CA12: variants seen among roughly 807,000 people sequenced by gnomAD.
The protein encoded by CA12 is carbonate dehydratase XII.
CA12 carries 36 observed loss-of-function variants against 46.8 expected under a neutral mutation model. The observed-to-expected ratio is 0.77, with a 90% CI of 0.59 to 1.02. The LOEUF is 1.02. CA12 is among the 50% of genes least tolerant of loss of function. CA12 has a pLI of 0.00. For missense variants in CA12, 436 were observed against 451.4 expected, an observed-to-expected ratio of 0.97 and a Z score of 0.31; for synonymous variants, 202 against 187.0, an observed-to-expected ratio of 1.08 and a Z score of -0.65.
chr15:63,361,911 A>G (rs2039368663), intron 2 of CA12, among the ~76,000 whole-genome samples: 1 of 152,160 alleles, frequency 6.6e-6, no homozygotes, highest in Admixed American at 6.5e-5. Context: ...ACCTCATTCA[A>G]ATTTTGTTAA....
rs1335731063 is a variant in CA12 at position 63,366,392 on chromosome 15, T to C, written c.106+9266A>G. Among the ~76,000 whole-genome samples, 5 of 152,160 alleles carry C rather than the reference T, an allele frequency of 3.3e-5. No homozygotes were observed. In the East Asian group the frequency reaches 9.6e-4, roughly 29 times the overall value. ...TGTCCTTCAGGTCTCATCTTGGACATCACCTCCCCCAGGAAGCCTTCTTTA... is the reference window on the plus strand; with the variant it reads ...TGTCCTTCAGGTCTCATCTTGGACACCACCTCCCCCAGGAAGCCTTCTTTA... On this transcript the variant is annotated intron_variant, in intron 2 of 10. Coordinates refer to ENST00000178638, the MANE Select transcript of CA12 (RefSeq NM_001218.5).
intron 8 of CA12, among the ~76,000 whole-genome samples, chr15:63,335,677 G>C (rs577570412): frequency 6.6e-6 from 1 of 151,528 alleles, no homozygotes; most frequent in East Asian, 1.9e-4. Flanking sequence ...AGAATTTTCT[G>C]ACTCTGTAGT....
rs1040115125 is a variant in CA12 at position 63,377,947 on chromosome 15, G to A, written c.86-2269C>T. Among the ~76,000 whole-genome samples, 5 of 152,304 alleles carry A rather than the reference G, an allele frequency of 3.3e-5. No homozygotes were observed. In the South Asian group the frequency reaches 1.0e-3, roughly 32 times the overall value. On this transcript the variant is annotated intron_variant, in intron 1 of 10. Transcript: ENST00000178638. ...ACCAATATCATATTCCCACTGGAAG[G>A]AGTCCCACCGCATTTACCATTAATT...
chr15:63,327,667 T>C lies in CA12; in HGVS notation c.907+431A>G, dbSNP rs969055184. ...GCTACACAAATAAGAACTTACTCTG[T>C]CTTTGCCTGCTGGATTTAAGGCCCA... On this transcript the variant is annotated intron_variant, in intron 9 of 10. Transcript: ENST00000178638. This position sits in a 1 kb window ranked among gnomAD's most constrained non-coding sequence, Gnocchi z 4.5. Among the ~76,000 whole-genome samples the C allele has an allele frequency of 2.6e-5, 4 of 152,156 alleles. No individual in the cohort carries two copies. The highest frequency in any genetic ancestry group is 5.9e-5 in the Non-Finnish European group (4 of 68,034).
chr15:63,380,168 C>T (rs1203859519), intron 1 of CA12, among the ~76,000 whole-genome samples: 3 of 152,164 alleles, frequency 2.0e-5, no homozygotes, highest in East Asian at 1.9e-4. Flanking sequence ...CAGGGGTAGG[C>T]AGTCTCCTTC....
Position 63,346,541 on chromosome 15 carries a change from T to A in CA12, c.275A>T (p.Asn92Ile), listed in dbSNP as rs568160600. Residue 92 changes from asparagine to isoleucine, a missense_variant, in exon 3 of 11, where the codon AAT (asparagine) becomes ATT (isoleucine). Transcript: ENST00000178638. ...GGCCTCTCCCTCACCTGAATGGCCA[T>A]TGTTGGTCAGGAGAAACTGCTTGTT... ...SANKQFLLTN[N>I]GHSVKLNLPS... The A allele has an allele frequency of 1.2e-6, 2 of 1,613,888 alleles. No individual in the cohort carries two copies. Among genetic ancestry groups the A allele is most frequent in the Non-Finnish European group, 1.7e-6 (2 of 1,179,920 alleles).
intron 2 of CA12, among the ~76,000 whole-genome samples, chr15:63,354,482 C>G (rs919637905): frequency 7.9e-5 from 12 of 152,128 alleles, no homozygotes; most frequent in African/African-American, 2.7e-4. Context: ...CCCAAATCTC[C>G]CCTTGGGGAG....
chr15:63,381,033 GTGT>G (rs1475707557), intron 1 of CA12, among the ~76,000 whole-genome samples: 4 of 151,372 alleles, frequency 2.6e-5, no homozygotes, highest in African/African-American at 9.7e-5. Context: ...GTGTGTGTGT[GTGT>G]GTGGTTTGTG....
intron 1 of CA12, among the ~76,000 whole-genome samples, chr15:63,381,369 A>G (rs1206010578): frequency 6.6e-6 from 1 of 152,186 alleles, no homozygotes; most frequent in African/African-American, 2.4e-5. Flanking sequence ...CAAGTTCCCA[A>G]GCCACATCTT....
In CA12 at chr15:63,328,187, G is replaced by A; in HGVS notation, c.875-57C>T. 6 of 1,510,998 alleles carry A rather than the reference G, an allele frequency of 4.0e-6. No individual in the cohort carries two copies. The highest frequency in any genetic ancestry group is 5.5e-6 in the Non-Finnish European group (6 of 1,086,512). 93.6% of individuals were successfully genotyped at this position (1,510,998 alleles called of 1,614,324 possible). A position where few individuals can be genotyped will look rare whatever the true frequency, so the allele number is the denominator to read the frequency against. On this transcript the variant is annotated intron_variant, in intron 8 of 10. Transcript: ENST00000178638. The surrounding 1 kb of genome is among the most constrained non-coding windows in gnomAD (Gnocchi z 5.9). ...TCTAGAGTCAAACCACACTGGATTT[G>A]AGCAGCGTGTTGAGAGACGCTCTAC...
At chr15:63,370,571 G>A (rs1459472102) in intron 2 of CA12, among the ~76,000 whole-genome samples, 4 of 151,868 alleles carry the variant, frequency 2.6e-5, no homozygotes, top group African/African-American at 9.7e-5. Flanking sequence ...TCAGGAGTTC[G>A]AGACCAGCCT....
chr15:63,353,096 G>A (rs747452411), intron 2 of CA12, among the ~76,000 whole-genome samples: 4 of 152,016 alleles, frequency 2.6e-5, no homozygotes, highest in African/African-American at 4.8e-5. Flanking sequence ...CTGACCTTGC[G>A]GCACTCACAG....
intron 2 of CA12, among the ~76,000 whole-genome samples, chr15:63,358,762 C>G (rs972912820): frequency 6.6e-6 from 1 of 152,150 alleles, no homozygotes; most frequent in Non-Finnish European, 1.5e-5. Flanking sequence ...CCTGATTACT[C>G]TTGTCTCCTC....
chr15:63,329,309 T>C lies in CA12; in HGVS notation c.875-1179A>G, dbSNP rs2038906741. ...GATAAATAAGGTGAGAGAGAAGTCCTCAGTGTGGCTGAACCCGTGCCCAGC... is the reference window on the plus strand; with the variant it reads ...GATAAATAAGGTGAGAGAGAAGTCCCCAGTGTGGCTGAACCCGTGCCCAGC... On this transcript the variant is annotated intron_variant, in intron 8 of 10. Transcript: ENST00000178638. This position sits in a 1 kb window ranked among gnomAD's most constrained non-coding sequence, Gnocchi z 4.8. 6.6e-6 allele frequency among the ~76,000 whole-genome samples: 1 copy of C among 152,188 alleles called. No individual in the cohort carries two copies. Among genetic ancestry groups the C allele is most frequent in the African/African-American group, 2.4e-5 (1 of 41,454 alleles).
intron 1 of CA12, among the ~76,000 whole-genome samples, chr15:63,376,600 T>TTCTTTCTTTCTTTCTTTCTTTCTC (rs10623502): frequency 1.8e-3 from 239 of 134,184 alleles, no homozygotes; most frequent in Middle Eastern, 7.2e-3. Flanking sequence ...CTTTCTTTCT[T>TTCTTTCTTTCTTTCTTTCTTTCTC]TCTCTCTCTC....
chr15:63,342,192 C>T, intron 4 of CA12, 95 bp from the exon 5 acceptor site: 2 of 801,448 alleles, frequency 2.5e-6, no homozygotes. Context: ...GAGGACAGAA[C>T]CCCAGCCCCC....
At chr15:63,351,642 C>CCCT (rs2039233609) in intron 2 of CA12, among the ~76,000 whole-genome samples, 1 of 152,190 alleles carries the variant, frequency 6.6e-6, no homozygotes, top group Non-Finnish European at 1.5e-5. Flanking sequence ...TGCTCAAATG[C>CCCT]CCTCTTCTTT....
chr15:63,364,334 A>AAAAAAAAAAAAAAAAG (rs2039409341), intron 2 of CA12, among the ~76,000 whole-genome samples: 1 of 140,740 alleles, frequency 7.1e-6, no homozygotes, highest in East Asian at 2.0e-4. Flanking sequence ...CGTCACTAGA[A>AAAAAAAAAAAAAAAAG]AAAAAAAAAA....
At chr15:63,368,854 C>G (rs2039467605) in intron 2 of CA12, among the ~76,000 whole-genome samples, 1 of 151,218 alleles carries the variant, frequency 6.6e-6, no homozygotes, top group Non-Finnish European at 1.5e-5. Flanking sequence ...GGTGTCAATC[C>G]CAAATAGCTC....
Sources: allele counts gnomAD v4.1 joint callset (sites outside exome capture counted in the v4.1 genomes callset), GRCh38; gene constraint gnomAD v4.1.1; non-coding constraint Gnocchi (gnomAD v3.1); transcripts MANE v1.5; gene names NCBI Gene and HGNC (gene_info 2026-07-23, HGNC 2026-07-21).